The following NR3C2 variants were observed in gnomAD, a reference collection of about 807,000 sequenced individuals.
NR3C2 encodes the protein nuclear receptor subfamily 3 group C member 2, also known as mineralocorticoid receptor.
In NR3C2, 15 loss-of-function variants were observed where a neutral mutation model predicts 86.4. The observed-to-expected ratio is 0.17, with a 90% CI of 0.12 to 0.27. NR3C2 has a LOEUF of 0.27. NR3C2 is among the 10% of genes least tolerant of loss of function. The pLI is 1.00. For missense variants in NR3C2, 960 were observed against 1,195.6 expected (o/e 0.80, Z 2.91); for synonymous variants, 458 against 450.5 (o/e 1.02, Z -0.21).
chr4:148,378,791 A>T (rs563879641), intron 2 of NR3C2, among the ~76,000 whole-genome samples: 2 of 152,308 alleles, frequency 1.3e-5, no homozygotes, highest in South Asian at 4.1e-4. Context: ...GCCTAGTCTC[A>T]GGCATTTCTT....
In NR3C2 at chr4:148,266,945, G is replaced by T. The variant is rs1260862809; in HGVS notation, c.1758-6828C>A. ...CACTATTAACTGATATCTAAGATGG[G>T]GGGAAGAGCAGTTTGGAGAGTTACG... On this transcript the variant is annotated intron_variant, in intron 2 of 8. Coordinates refer to ENST00000358102, the MANE Select transcript of NR3C2 (RefSeq NM_000901.5). Among the ~76,000 whole-genome samples the T allele has an allele frequency of 5.3e-5, 8 of 152,206 alleles. No homozygotes were observed. The East Asian group carries it at 1.5e-3, about 29-fold the overall frequency.
rs560471000 is a variant in NR3C2, at chr4:148,342,929, C to G, written c.1758-82812G>C. Among the ~76,000 whole-genome samples, 1,416 of 152,226 alleles carry G rather than the reference C, an allele frequency of 9.3e-3. 11 individuals carry two copies. Among genetic ancestry groups the G allele is most frequent in the Non-Finnish European group, 0.013 (867 of 68,020 alleles). On this transcript the variant is annotated intron_variant, in intron 2 of 8. Coordinates refer to ENST00000358102, the MANE Select transcript of NR3C2 (RefSeq NM_000901.5). Reference sequence around the variant, plus strand: ...GCCTGGAATGACTCCATTACTAATGCAACTACTTCAGATATAAAGTAATCT... The same window carrying G: ...GCCTGGAATGACTCCATTACTAATGGAACTACTTCAGATATAAAGTAATCT...
intron 3 of NR3C2, among the ~76,000 whole-genome samples, chr4:148,220,568 C>T (rs1004389543): frequency 3.9e-5 from 6 of 152,088 alleles, no homozygotes; most frequent in South Asian, 2.1e-4. Flanking sequence ...CGCTTTGAGA[C>T]GCCAAGGTGG....
chr4:148,261,460 A>G (rs542444248), intron 2 of NR3C2, among the ~76,000 whole-genome samples: 8 of 151,992 alleles, frequency 5.3e-5, no homozygotes, highest in South Asian at 2.1e-4. Context: ...GCTATGGTGC[A>G]CTATGGTAAG....
At chr4:148,131,228 A>G (rs987725437) in intron 6 of NR3C2, among the ~76,000 whole-genome samples, 1 of 152,156 alleles carries the variant, frequency 6.6e-6, no homozygotes, top group Non-Finnish European at 1.5e-5. Context: ...AATAGTGTCA[A>G]TCTCGCAACA....
chr4:148,381,197 C>T (rs1335185406), intron 2 of NR3C2, among the ~76,000 whole-genome samples: 2 of 151,224 alleles, frequency 1.3e-5, no homozygotes, highest in Non-Finnish European at 2.9e-5. Flanking sequence ...CACTGCACTC[C>T]AGCCTGGGCA....
intron 3 of NR3C2, among the ~76,000 whole-genome samples, chr4:148,221,631 G>A (rs983252310): frequency 2.6e-5 from 4 of 152,082 alleles, no homozygotes; most frequent in Non-Finnish European, 4.4e-5. Context: ...GGTGGCTCAC[G>A]CCTGTAATCC....
chr4:148,275,432 A>G (rs1740910340), intron 2 of NR3C2, among the ~76,000 whole-genome samples: 1 of 151,916 alleles, frequency 6.6e-6, no homozygotes, highest in South Asian at 2.1e-4. Context: ...ATCTTATCTT[A>G]TCTTTTTTTT....
intron 2 of NR3C2, among the ~76,000 whole-genome samples, chr4:148,335,680 C>T (rs1744450113): frequency 6.6e-6 from 1 of 152,054 alleles, no homozygotes; most frequent in South Asian, 2.1e-4. Context: ...CCTCACTACA[C>T]AGCTGTACCC....
intron 3 of NR3C2, among the ~76,000 whole-genome samples, chr4:148,197,987 C>A (rs567419292): frequency 1.6e-3 from 237 of 152,024 alleles, no homozygotes; most frequent in Non-Finnish European, 2.5e-3. Context: ...GCTTTTTGGG[C>A]ATAAGGCAGC....
At chr4:148,404,225 C>A (rs1476651353) in intron 2 of NR3C2, among the ~76,000 whole-genome samples, 1 of 152,008 alleles carries the variant, frequency 6.6e-6, no homozygotes, top group Non-Finnish European at 1.5e-5. Context: ...CTGAAAACTC[C>A]AGTTTGAAAA....
At chr4:148,175,595 C>T (rs1253226594) in intron 4 of NR3C2, among the ~76,000 whole-genome samples, 1 of 152,076 alleles carries the variant, frequency 6.6e-6, no homozygotes, top group Non-Finnish European at 1.5e-5. Context: ...TAAGTTTTTG[C>T]TTTAAAAATA....
rs1305902479 is a variant in NR3C2 at position 148,389,592 on chromosome 4, A to C, written c.1757+45512T>G. 2.0e-5 allele frequency among the ~76,000 whole-genome samples: 3 copies of C among 152,196 alleles called. No homozygotes were observed. In the East Asian group the frequency reaches 5.8e-4, roughly 29 times the overall value. On this transcript the variant is annotated intron_variant, in intron 2 of 8. Transcript: ENST00000358102. The stretch of plus-strand genomic sequence containing the variant: ...AGTGAGATGGGGCTTTCATCTCTTA[A>C]TAGTTACAGGAAAAAGCCCTCATTA...
At chr4:148,347,876 G>T (rs1248865728) in intron 2 of NR3C2, among the ~76,000 whole-genome samples, 2 of 151,980 alleles carry the variant, frequency 1.3e-5, no homozygotes, top group African/African-American at 2.4e-5. Flanking sequence ...ACATCCTTAA[G>T]CACTTCACAC....
rs540320395 is a variant in NR3C2 at position 148,415,513 on chromosome 4, T to C, written c.1757+19591A>G. Reference sequence around the variant, plus strand: ...TGGTTTTAATAGATGTTACAACAAATGGCCCCATAACTTTAAAGAATCTAG... The same window carrying C: ...TGGTTTTAATAGATGTTACAACAAACGGCCCCATAACTTTAAAGAATCTAG... On this transcript the variant is annotated intron_variant, in intron 2 of 8. Coordinates refer to ENST00000358102, the MANE Select transcript of NR3C2 (RefSeq NM_000901.5). 3.2e-4 allele frequency among the ~76,000 whole-genome samples: 48 copies of C among 152,270 alleles called. No individual in the cohort carries two copies. The East Asian group carries it at 7.9e-3, about 25-fold the overall frequency.
At chr4:148,260,979 G>T (rs1481336626) in intron 2 of NR3C2, among the ~76,000 whole-genome samples, 2 of 152,172 alleles carry the variant, frequency 1.3e-5, no homozygotes, top group Non-Finnish European at 2.9e-5. Flanking sequence ...GTACCAAGCA[G>T]GCAAACAAGT....
chr4:148,254,783 T>C (rs889986672), intron 3 of NR3C2, among the ~76,000 whole-genome samples: 6 of 152,196 alleles, frequency 3.9e-5, no homozygotes, highest in African/African-American at 1.4e-4. Flanking sequence ...CTTGGTTTCC[T>C]ATATCTGACA....
chr4:148,415,678 C>CA (rs1426086585), intron 2 of NR3C2, among the ~76,000 whole-genome samples: 2 of 152,134 alleles, frequency 1.3e-5, no homozygotes, highest in Non-Finnish European at 2.9e-5. Context: ...CCTAACTGAA[C>CA]AAAATGCTCA....
At chr4:148,100,219 T>C (rs1731474669) in intron 8 of NR3C2, among the ~76,000 whole-genome samples, 1 of 152,228 alleles carries the variant, frequency 6.6e-6, no homozygotes, top group South Asian at 2.1e-4. Flanking sequence ...CAGACGATTT[T>C]CTGTTGTCAT....
Sources: allele counts gnomAD v4.1 joint callset (sites outside exome capture counted in the v4.1 genomes callset), GRCh38; gene constraint gnomAD v4.1.1; transcripts MANE v1.5; gene names NCBI Gene and HGNC (gene_info 2026-07-23, HGNC 2026-07-21).